Variants in GPAT4 observed in about 807,000 individuals in gnomAD.
The protein encoded by GPAT4 is 1-AGP acyltransferase 6.
In GPAT4, 17 loss-of-function variants were observed where a neutral mutation model predicts 58.0. That is an observed-to-expected ratio of 0.29 (90% CI 0.20 to 0.44). The LOEUF (loss-of-function observed/expected upper bound fraction) is 0.44, where lower values mean the gene tolerates loss of function less well. GPAT4 is among the 20% of genes least tolerant of loss of function. The pLI, the probability that GPAT4 is intolerant of heterozygous loss-of-function variation, is 1.00. For synonymous variants in GPAT4, 204 were observed against 210.1 expected, an observed-to-expected ratio of 0.97 and a Z score of 0.25; for missense variants, 377 against 574.5, an observed-to-expected ratio of 0.66 and a Z score of 3.51.
Position 41,612,242 on chromosome 8 carries a change from T to C in GPAT4, c.764T>C (p.Ile255Thr). ...VANHTSPIDV[I>T]ILASDGYYAM... is the part of the protein sequence containing the mutation. ...AATCATACCTCACCGATCGATGTGA[T>C]CATCTTGGCCAGCGATGGCTATTAT... The change falls in exon 7 of 13, where the codon ATC (isoleucine) becomes ACC (threonine). Residue 255 changes from isoleucine to threonine, a missense_variant. Coordinates refer to ENST00000396987, the MANE Select transcript of GPAT4 (RefSeq NM_178819.4). The C allele has an allele frequency of 6.2e-7, 1 of 1,614,240 alleles. No individual in the cohort carries two copies. The highest frequency in any genetic ancestry group is 8.5e-7 in the Non-Finnish European group (1 of 1,180,052).
intron 8 of GPAT4, 133 bp downstream of exon 8, chr8:41,613,093 T>A: frequency 1.4e-6 from 1 of 733,556 alleles, no homozygotes; most frequent in Non-Finnish European, 2.1e-6. Context: ...AATTTTTTCC[T>A]AAAACATGAA....
intron 1 of GPAT4, among the ~76,000 whole-genome samples, chr8:41,592,538 C>G (rs1463877247): frequency 2.0e-5 from 3 of 152,090 alleles, no homozygotes; most frequent in African/African-American, 7.2e-5. Flanking sequence ...TCTTTTGAGC[C>G]AGGAATTCAT....
chr8:41,597,670 AGCC>A (rs1348941010), intron 1 of GPAT4, among the ~76,000 whole-genome samples: 2 of 152,248 alleles, frequency 1.3e-5, no homozygotes, highest in Non-Finnish European at 2.9e-5. Context: ...ATCAGTGTTT[AGCC>A]TTAGGAGACT....
At chr8:41,618,838 G>C in intron 11 of GPAT4, 26 bp downstream of exon 11, 2 of 1,614,258 alleles carry the variant, frequency 1.2e-6, no homozygotes, top group Non-Finnish European at 1.7e-6. Context: ...AGGCAGGTCT[G>C]CGCCTGCTCT....
intron 9 of GPAT4, 120 bp from the exon 10 acceptor site, chr8:41,614,843 G>GT (rs2150505014): frequency 1.3e-6 from 1 of 776,360 alleles, no homozygotes; most frequent in East Asian, 2.7e-5. Flanking sequence ...GATGACAGAT[G>GT]TATCTTACTG....
intron 1 of GPAT4, among the ~76,000 whole-genome samples, chr8:41,592,419 C>A (rs1049111583): frequency 1.1e-4 from 16 of 152,168 alleles, no homozygotes; most frequent in Non-Finnish European, 1.0e-4. Flanking sequence ...CAGTTTCTGT[C>A]CCAGACAACT....
chr8:41,619,098 G>C, intron 12 of GPAT4, 121 bp downstream of exon 12: 1 of 1,240,684 alleles, frequency 8.1e-7, no homozygotes, highest in Non-Finnish European at 1.1e-6. Context: ...AGAGAGAGCA[G>C]TTTGACTCTC....
At chr8:41,592,940 G>C (rs1802833306) in intron 1 of GPAT4, among the ~76,000 whole-genome samples, 1 of 152,118 alleles carries the variant, frequency 6.6e-6, no homozygotes, top group Admixed American at 6.6e-5. Context: ...TTCTGAAGGT[G>C]GACTGGATCC....
chr8:41,585,845 A>G (rs183220828), intron 1 of GPAT4, among the ~76,000 whole-genome samples: 2 of 152,380 alleles, frequency 1.3e-5, no homozygotes, highest in Admixed American at 1.3e-4. Context: ...GATTTTTAAA[A>G]GACATCCAGT....
intron 1 of GPAT4, among the ~76,000 whole-genome samples, chr8:41,589,617 T>A (rs1369316517): frequency 6.6e-6 from 1 of 152,178 alleles, no homozygotes; most frequent in Non-Finnish European, 1.5e-5. Flanking sequence ...TGTAGCCAGA[T>A]GTGGGCTGTG....
At chr8:41,583,515 A>G (rs566124738) in intron 1 of GPAT4, among the ~76,000 whole-genome samples, 29 of 152,340 alleles carry the variant, frequency 1.9e-4, no homozygotes, top group African/African-American at 7.0e-4. Flanking sequence ...ATTTTATTTA[A>G]CCTAGTTTAT....
chr8:41,609,629 C>A, intron 3 of GPAT4, 26 bp from the exon 4 acceptor site: 1 of 1,607,538 alleles, frequency 6.2e-7, no homozygotes, highest in Non-Finnish European at 8.5e-7. Flanking sequence ...CAGCGTGCTG[C>A]TTGACAGGGA....
chr8:41,612,372 C>G, intron 7 of GPAT4, 99 bp downstream of exon 7: 1 of 1,186,154 alleles, frequency 8.4e-7, no homozygotes, highest in Non-Finnish European at 1.2e-6. Flanking sequence ...CACATTTATG[C>G]GTGGGCCAGG....
intron 4 of GPAT4, 171 bp from the exon 5 acceptor site, chr8:41,610,565 T>A: frequency 1.3e-6 from 2 of 1,509,782 alleles, no homozygotes; most frequent in Non-Finnish European, 1.8e-6. Context: ...ATCAAAAGGA[T>A]CTCTGGTTCT....
At chr8:41,578,745 A>G (rs1802432462) in intron 1 of GPAT4, among the ~76,000 whole-genome samples, 1 of 151,884 alleles carries the variant, frequency 6.6e-6, no homozygotes, top group African/African-American at 2.4e-5. Flanking sequence ...GCATGCTCCC[A>G]TTTTTCTTTA....
intron 1 of GPAT4, among the ~76,000 whole-genome samples, chr8:41,596,532 A>C (rs549029933): frequency 2.5e-4 from 38 of 152,366 alleles, no homozygotes; most frequent in South Asian, 2.1e-3. Flanking sequence ...CCCAAGTGCC[A>C]GTTCCTTCCC....
At chr8:41,579,083 A>G (rs1419533714) in intron 1 of GPAT4, among the ~76,000 whole-genome samples, 4 of 152,226 alleles carry the variant, frequency 2.6e-5, no homozygotes, top group African/African-American at 7.2e-5. Flanking sequence ...TGTAGATTCT[A>G]TCTCAATCCA....
intron 2 of GPAT4, among the ~76,000 whole-genome samples, chr8:41,604,367 TG>T (rs1392604673): frequency 1.3e-5 from 2 of 152,142 alleles, no homozygotes; most frequent in East Asian, 3.9e-4. Flanking sequence ...GGAGAGGATA[TG>T]GGTGGATCAA....
At chr8:41,611,658 G>A (rs1257346780) in intron 5 of GPAT4, among the ~76,000 whole-genome samples, 4 of 152,142 alleles carry the variant, frequency 2.6e-5, no homozygotes, top group East Asian at 1.9e-4. Context: ...TGCGGATGCC[G>A]GATTCTAGGC....
Sources: allele counts gnomAD v4.1 joint callset (sites outside exome capture counted in the v4.1 genomes callset), GRCh38; gene constraint gnomAD v4.1.1; transcripts MANE v1.5; gene names NCBI Gene and HGNC (gene_info 2026-07-23, HGNC 2026-07-21).